The following TMPRSS9 variants were observed in gnomAD, a reference collection of about 807,000 sequenced individuals.
TMPRSS9 encodes the protein transmembrane serine protease 9.
Under a neutral mutation model 111.4 loss-of-function variants are expected in TMPRSS9, and 113 were observed. The ratio of observed to expected loss-of-function variants is 1.01; its 90% CI spans 0.87 to 1.19. The LOEUF (loss-of-function observed/expected upper bound fraction) is 1.19. Among genes scored for constraint, TMPRSS9 ranks in the 50% most tolerant of loss-of-function variants. The pLI is 0.00. For missense variants in TMPRSS9, 1,803 were observed against 1,513.1 expected (o/e 1.19, Z -3.18); for synonymous variants, 805 against 659.1 (o/e 1.22, Z -3.39).
chr19:2,388,975 A>G (rs1439860398), upstream of TMPRSS9, among the ~76,000 whole-genome samples: 1 of 151,748 alleles, frequency 6.6e-6, no homozygotes, highest in Non-Finnish European at 1.5e-5. Flanking sequence ...TTGTTACAGC[A>G]GCTGTGGGAA....
At position 2,368,774 on chromosome 19, in the gene TMPRSS9, G is replaced by GTTTGTTTTTTT. The variant is rs1970265977; in HGVS notation, c.-26+8417_-26+8418insGTTTTTTTTTT. Among the ~76,000 whole-genome samples the GTTTGTTTTTTT allele has an allele frequency of 2.7e-3, 189 of 70,368 alleles. 3 individuals carry two copies. Among genetic ancestry groups the GTTTGTTTTTTT allele is most frequent in the African/African-American group, 0.011 (184 of 16,544 alleles). 46.2% of individuals were successfully genotyped at this position (70,368 alleles called of 152,430 possible). On this transcript the variant is annotated intron_variant, in intron 1 of 17. Transcript: ENST00000649857. ...TGCCAGGGCATCAAGGATAAACCCA[G>GTTTGTTTTTTT]TTTTTTTTTTTTTTTTTTTTTTTTT...
rs141237109 is a variant in TMPRSS9 at position 2,410,329 on chromosome 19, G to A, written c.1189G>A (p.Gly397Ser). The change falls in exon 9 of 18, where the codon GGC (glycine) becomes AGC (serine). Residue 397 changes from glycine (G) to serine (S), a missense_variant. Transcript: ENST00000648592. ...CCAGGCACTGTGTGCCAGCTTGTAC[G>A]GCCATTCACTCACTGACAGGATGGT... The A allele has an allele frequency of 5.1e-4, 824 of 1,614,066 alleles. 2 individuals carry two copies. The highest frequency in any genetic ancestry group is 6.2e-4 in the Non-Finnish European group (727 of 1,180,010).
chr19:2,423,030 C>G (rs1417521001), intron 14 of TMPRSS9, among the ~76,000 whole-genome samples: 1 of 151,434 alleles, frequency 6.6e-6, no homozygotes, highest in Non-Finnish European at 1.5e-5. Context: ...ATACTCCAGC[C>G]TGGGTGACAC....
At chr19:2,391,303 G>A (rs1288931094) in intron 1 of TMPRSS9, among the ~76,000 whole-genome samples, 2 of 147,340 alleles carry the variant, frequency 1.4e-5, no homozygotes, top group East Asian at 2.0e-4. Context: ...AGCAATTTGG[G>A]GAGAAATGCT....
exon 8 of TMPRSS9, chr19:2,408,569 C>T (rs1176169793): frequency 1.2e-6 from 2 of 1,613,620 alleles, no homozygotes; most frequent in Non-Finnish European, 1.7e-6. Flanking sequence ...CTGCCACACA[C>T]ATCTTCCCAC....
At chr19:2,416,302 T>C in intron 11 of TMPRSS9, 1 of 563,890 alleles carries the variant, frequency 1.8e-6, no homozygotes, top group Non-Finnish European at 3.1e-6. Flanking sequence ...GTGTAGAAAA[T>C]GAAGCCTGAG....
At chr19:2,398,356 C>A (rs760532568) in intron 2 of TMPRSS9, among the ~76,000 whole-genome samples, 19 of 151,552 alleles carry the variant, frequency 1.3e-4, no homozygotes, top group Non-Finnish European at 2.8e-4. Flanking sequence ...TGGTGGCTCA[C>A]AACTGTAATC....
chr19:2,377,257 GTATGTAT>G lies in TMPRSS9; in HGVS notation c.-25-12503_-25-12497del, dbSNP rs1599277242. Among the ~76,000 whole-genome samples the G allele has an allele frequency of 2.7e-5, 3 of 110,196 alleles. No homozygotes were observed. The East Asian group carries it at 6.9e-4, about 25-fold the overall frequency. 72.3% of individuals were successfully genotyped at this position (110,196 alleles called of 152,430 possible). ...TTCTTTTTTTACTGTATGTATGTAT[GTATGTAT>G]GTATGTATGTATGTATGTATGTATG... On this transcript the variant is annotated intron_variant, in intron 1 of 17. Coordinates refer to the TMPRSS9 transcript ENST00000649857.
At position 2,425,196 on chromosome 19, in the gene TMPRSS9, C is replaced by T. The variant is rs367911032; in HGVS notation, c.2912C>T (p.Pro971Leu). 1.4e-4 allele frequency: 220 copies of T among 1,524,574 alleles called. 1 individual carries two copies. Among genetic ancestry groups the T allele is most frequent in the Middle Eastern group, 3.4e-4 (2 of 5,882 alleles). The allele number at this position is 1,524,574 out of a possible 1,614,324, so 94.4% of individuals were successfully genotyped here. A position where few individuals can be genotyped will look rare whatever the true frequency, so the allele number is the denominator to read the frequency against. Residue 971 changes from proline to leucine, a missense_variant, in exon 16 of 18, where the codon CCC becomes CTC. Coordinates refer to ENST00000648592, the Ensembl canonical transcript of TMPRSS9. ...CGCCTGGTGCGTCCCATCTGCCTGC[C>T]CGAGCCCGCGCCGCGACCCCCGGAC...
rs570736197 is a variant in TMPRSS9 at position 2,368,721 on chromosome 19, C to T, written c.-26+8361C>T. 8.2e-5 allele frequency among the ~76,000 whole-genome samples: 12 copies of T among 146,982 alleles called. No homozygotes were observed. The East Asian group carries it at 2.1e-3, about 25-fold the overall frequency. On this transcript the variant is annotated intron_variant, in intron 1 of 17. Coordinates refer to the TMPRSS9 transcript ENST00000649857. ...AGCTACCCTGCAGACGGTCTGACAACGTTTTTGGATGGACTGGGTTTGGGA... is the reference window on the plus strand; with the variant it reads ...AGCTACCCTGCAGACGGTCTGACAATGTTTTTGGATGGACTGGGTTTGGGA...
chr19:2,372,621 G>T (rs1016592737), intron 1 of TMPRSS9, among the ~76,000 whole-genome samples: 2 of 152,072 alleles, frequency 1.3e-5, no homozygotes, highest in African/African-American at 2.4e-5. Flanking sequence ...GAATTAAAAC[G>T]CTCGCTTGTC....
intron 1 of TMPRSS9, among the ~76,000 whole-genome samples, chr19:2,393,118 G>A (rs879329983): frequency 1.4e-4 from 21 of 152,192 alleles, no homozygotes; most frequent in Non-Finnish European, 2.9e-4. Flanking sequence ...GGCCAGATAA[G>A]GGAATAAAAG....
At chr19:2,416,274 G>A (rs1004062801) in intron 11 of TMPRSS9, 2 of 532,244 alleles carry the variant, frequency 3.8e-6, no homozygotes, top group South Asian at 2.9e-5. Flanking sequence ...AGGGGGTTGG[G>A]GGGGGGCATT....
chr19:2,394,219 G>C (rs1371718161), intron 1 of TMPRSS9, among the ~76,000 whole-genome samples: 5 of 148,534 alleles, frequency 3.4e-5, no homozygotes, highest in Non-Finnish European at 7.4e-5. Flanking sequence ...GAGAAGGAAA[G>C]AGAAAGCTAG....
chr19:2,389,294 C>T (rs1970537378), upstream of TMPRSS9, among the ~76,000 whole-genome samples: 2 of 151,100 alleles, frequency 1.3e-5, no homozygotes, highest in South Asian at 2.1e-4. Flanking sequence ...AGGCTGGTCT[C>T]AAACTCTTGA....
Position 2,396,722 on chromosome 19 carries a change from T to C in TMPRSS9, c.270+56T>C, listed in dbSNP as rs1413510016. 2.6e-6 allele frequency: 4 copies of C among 1,555,130 alleles called. No homozygotes were observed. In the African/African-American group the frequency reaches 5.4e-5, roughly 21 times the overall value. ...AGGAAGAGCGGGTGGCCGGGGGCTT[T>C]GACCTGGAGGTGCTTTCCGTGTGGG... On this transcript the variant is annotated intron_variant, in intron 2 of 17. Coordinates refer to ENST00000648592, the Ensembl canonical transcript of TMPRSS9.
intron 1 of TMPRSS9, among the ~76,000 whole-genome samples, chr19:2,392,027 C>G (rs1194818849): frequency 1.3e-5 from 2 of 151,918 alleles, no homozygotes; most frequent in Admixed American, 6.6e-5. Flanking sequence ...CAGACATGAG[C>G]CACCACGCCC....
chr19:2,385,088 C>G (rs1395699728), upstream of TMPRSS9, among the ~76,000 whole-genome samples: 2 of 150,258 alleles, frequency 1.3e-5, no homozygotes, highest in Admixed American at 6.7e-5. Flanking sequence ...CTGAGGCCAC[C>G]GTGGCTACCT....
intron 1 of TMPRSS9, among the ~76,000 whole-genome samples, chr19:2,379,225 G>A (rs149121061): frequency 0.12 from 14,324 of 124,068 alleles, 1,433 homozygotes; most frequent in African/African-American, 0.29. Context: ...TTGCTCTGTC[G>A]CCCAGGCTGG....
Sources: gnomAD v4.1 joint callset for allele counts (sites outside exome capture counted in the v4.1 genomes callset) on GRCh38, gnomAD v4.1.1 for gene constraint, MANE v1.5 for transcripts, NCBI Gene and HGNC (gene_info 2026-07-23, HGNC 2026-07-21) for gene names.